The following DCC variants were observed in gnomAD, a reference collection of about 807,000 sequenced individuals.
The protein encoded by DCC is DCC netrin 1 receptor.
DCC carries 58 observed loss-of-function variants against 172.5 expected under a neutral mutation model. The ratio of observed to expected loss-of-function variants is 0.34; its 90% CI spans 0.27 to 0.42. The LOEUF (loss-of-function observed/expected upper bound fraction) is 0.42. DCC is among the 10% of genes least tolerant of loss of function. The pLI, the probability that DCC is intolerant of heterozygous loss-of-function variation, is 1.00. For missense variants in DCC, 1,740 were observed against 1,791.0 expected (o/e 0.97, Z 0.51); for synonymous variants, 709 against 644.5 (o/e 1.10, Z -1.52).
intron 2 of DCC, among the ~76,000 whole-genome samples, chr18:52,779,338 C>T (rs9967408): frequency 0.053 from 8,047 of 152,076 alleles, 289 homozygotes; most frequent in South Asian, 0.16. Context: ...CAGTGTTTGA[C>T]GTTCCCCTCC....
chr18:52,405,818 C>A (rs1226766856), intron 1 of DCC, among the ~76,000 whole-genome samples: 1 of 151,364 alleles, frequency 6.6e-6, no homozygotes, highest in African/African-American at 2.4e-5. Context: ...TTGGAAAAAA[C>A]TACTTTAAAG....
At chr18:53,044,916 C>A (rs1268451903) in intron 5 of DCC, among the ~76,000 whole-genome samples, 1 of 151,602 alleles carries the variant, frequency 6.6e-6, no homozygotes, top group Non-Finnish European at 1.5e-5. Context: ...ATGTTTATAG[C>A]TATATATATG....
At chr18:52,479,427 C>A (rs1390580893) in intron 1 of DCC, among the ~76,000 whole-genome samples, 1 of 152,026 alleles carries the variant, frequency 6.6e-6, no homozygotes, top group African/African-American at 2.4e-5. Flanking sequence ...CATCTGTAGC[C>A]TGTAGTTTGT....
At chr18:52,443,565 C>T (rs1387208937) in intron 1 of DCC, among the ~76,000 whole-genome samples, 1 of 152,060 alleles carries the variant, frequency 6.6e-6, no homozygotes, top group Admixed American at 6.5e-5. Flanking sequence ...AGAAAGGGGA[C>T]ATTCTAGGCA....
At chr18:52,460,166 A>G (rs1988588097) in intron 1 of DCC, among the ~76,000 whole-genome samples, 1 of 152,178 alleles carries the variant, frequency 6.6e-6, no homozygotes, top group Non-Finnish European at 1.5e-5. Context: ...GCTTCTCTGT[A>G]TATCAAAACT....
rs746141078 is a variant in DCC, at chr18:52,923,866, C to A, written c.848+9C>A. The A allele has an allele frequency of 7.5e-6, 12 of 1,609,444 alleles. No homozygotes were observed. Among genetic ancestry groups the A allele is most frequent in the Non-Finnish European group, 9.4e-6 (11 of 1,176,026 alleles). ...GAAGTCATCCAACTCAGGTATTTCA[C>A]ATTTAAGACTTTTTTGTAAAGTGTA... is the stretch of plus-strand genomic sequence containing the variant. On this transcript the variant is annotated intron_variant, in intron 4 of 28. Transcript: ENST00000442544.
At position 53,479,650 on chromosome 18, in the gene DCC, T is replaced by C. The variant is rs563002950; in HGVS notation, c.3737-7147T>C. On this transcript the variant is annotated intron_variant, in intron 25 of 28. Transcript: ENST00000442544. Reference sequence around the variant, plus strand: ...TAAGAAGTAGTTTGTTTTTCAAAGATATAGAAGTAATGAAGAAGGGATCTG... The same window carrying C: ...TAAGAAGTAGTTTGTTTTTCAAAGACATAGAAGTAATGAAGAAGGGATCTG... Among the ~76,000 whole-genome samples the C allele has an allele frequency of 3.3e-5, 5 of 152,266 alleles. No individual in the cohort carries two copies. The South Asian group carries it at 8.3e-4, about 25-fold the overall frequency.
chr18:53,159,382 G>A (rs2054798811), intron 8 of DCC, among the ~76,000 whole-genome samples: 1 of 152,118 alleles, frequency 6.6e-6, no homozygotes, highest in Non-Finnish European at 1.5e-5. Flanking sequence ...CATTCCTCGT[G>A]AAGTCTTGTC....
chr18:52,665,059 C>T (rs1337353395), intron 1 of DCC, among the ~76,000 whole-genome samples: 2 of 152,208 alleles, frequency 1.3e-5, no homozygotes, highest in Non-Finnish European at 2.9e-5. Context: ...TAGAACTTCT[C>T]TTTATAGGTC....
chr18:53,470,767 A>G (rs2045686145), intron 25 of DCC, among the ~76,000 whole-genome samples: 1 of 152,014 alleles, frequency 6.6e-6, no homozygotes, highest in African/African-American at 2.4e-5. Context: ...CCCATATAAA[A>G]CCACCAGATC....
intron 1 of DCC, among the ~76,000 whole-genome samples, chr18:52,492,927 T>G (rs1362325401): frequency 1.8e-4 from 28 of 152,068 alleles, no homozygotes; most frequent in Non-Finnish European, 4.4e-5. Context: ...AGGGTTCACT[T>G]AAGACCATAA....
At chr18:52,952,056 T>A (rs935707237) in intron 5 of DCC, among the ~76,000 whole-genome samples, 2 of 152,220 alleles carry the variant, frequency 1.3e-5, no homozygotes, top group East Asian at 3.9e-4. Context: ...AGGGCTAATC[T>A]AGCTTTGAAA....
At chr18:52,529,580 G>A (rs767704709) in intron 1 of DCC, among the ~76,000 whole-genome samples, 3 of 152,184 alleles carry the variant, frequency 2.0e-5, no homozygotes, top group Non-Finnish European at 4.4e-5. Flanking sequence ...GTGAGCCACC[G>A]GGCCCGTGAA....
At chr18:53,145,958 G>T (rs186775157) in intron 7 of DCC, among the ~76,000 whole-genome samples, 3 of 151,900 alleles carry the variant, frequency 2.0e-5, no homozygotes, top group Non-Finnish European at 2.9e-5. Context: ...ACTGGGCCAG[G>T]CACAGTGGCT....
chr18:53,524,024 T>C (rs1252107459), intron 27 of DCC, among the ~76,000 whole-genome samples: 1 of 152,052 alleles, frequency 6.6e-6, no homozygotes, highest in Non-Finnish European at 1.5e-5. Flanking sequence ...GGTCAAATGG[T>C]ACAAAATTTC....
intron 14 of DCC, among the ~76,000 whole-genome samples, chr18:53,337,885 T>A (rs2057610031): frequency 6.6e-6 from 1 of 152,202 alleles, no homozygotes; most frequent in African/African-American, 2.4e-5. Flanking sequence ...GTCATCAGAT[T>A]TCCTTGCATA....
At chr18:53,028,776 G>A (rs1034053446) in intron 5 of DCC, among the ~76,000 whole-genome samples, 41 of 152,208 alleles carry the variant, frequency 2.7e-4, no homozygotes, top group African/African-American at 9.1e-4. Flanking sequence ...CCCAACCAGT[G>A]TTACTGCAGC....
chr18:52,418,784 A>G (rs1355678446), intron 1 of DCC, among the ~76,000 whole-genome samples: 5 of 151,474 alleles, frequency 3.3e-5, no homozygotes, highest in African/African-American at 7.3e-5. Context: ...ACAATGTTGT[A>G]TGTAGTAATC....
intron 2 of DCC, among the ~76,000 whole-genome samples, chr18:52,765,226 TA>T (rs2037227560): frequency 6.7e-6 from 1 of 150,214 alleles, no homozygotes; most frequent in East Asian, 2.0e-4. Context: ...TTTGTATTTT[TA>T]GTAGAGATGG....
Sources: allele counts gnomAD v4.1 joint callset (sites outside exome capture counted in the v4.1 genomes callset), GRCh38; gene constraint gnomAD v4.1.1; transcripts MANE v1.5; gene names NCBI Gene and HGNC (gene_info 2026-07-23, HGNC 2026-07-21).